The following NEURL1 variants were observed in gnomAD, a reference collection of about 807,000 sequenced individuals.
NEURL1 encodes the protein neuralized E3 ubiquitin protein ligase 1, also known as E3 ubiquitin-protein ligase NEURL1.
In NEURL1, 26 loss-of-function variants were observed where a neutral mutation model predicts 41.2. That is an observed-to-expected ratio of 0.63 (90% CI 0.46 to 0.87). The LOEUF (loss-of-function observed/expected upper bound fraction) is 0.87, where lower values mean the gene tolerates loss of function less well. Among genes scored for constraint, NEURL1 ranks in the 40% least tolerant of loss-of-function variants. The pLI is 0.00. For missense variants in NEURL1, 761 were observed against 871.1 expected (o/e 0.87, Z 1.59); for synonymous variants, 400 against 402.3 (o/e 0.99, Z 0.07).
At chr10:103,580,791 C>T (rs998115002) in intron 3 of NEURL1, among the ~76,000 whole-genome samples, 1 of 152,176 alleles carries the variant, frequency 6.6e-6, no homozygotes, top group Non-Finnish European at 1.5e-5. Context: ...TTTTGTCCCT[C>T]CCCTCCCAAC....
chr10:103,561,728 G>A (rs949949154), intron 1 of NEURL1, among the ~76,000 whole-genome samples: 1 of 152,230 alleles, frequency 6.6e-6, no homozygotes, highest in African/African-American at 2.4e-5. Context: ...ATTGGAGGGT[G>A]TGATCAGGTT....
chr10:103,518,689 G>A lies in NEURL1; in HGVS notation c.85+24217G>A, dbSNP rs1324680334. ...GGAGGTGAGGGAGTGAGCAGTGCAG[G>A]TATCTTGGGGAACAACTCTATTCTG... On this transcript the variant is annotated intron_variant, in intron 1 of 5. Transcript: ENST00000369780. Among the ~76,000 whole-genome samples, 4 of 152,178 alleles carry A rather than the reference G, an allele frequency of 2.6e-5. No homozygotes were observed. The South Asian group carries it at 8.3e-4, about 32-fold the overall frequency.
intron 1 of NEURL1, among the ~76,000 whole-genome samples, chr10:103,570,229 G>T (rs974267629): frequency 6.6e-6 from 1 of 152,140 alleles, no homozygotes; most frequent in African/African-American, 2.4e-5. Flanking sequence ...GGATCTTGGG[G>T]GCCCCACCAG....
At chr10:103,569,866 G>C (rs559710178) in intron 1 of NEURL1, among the ~76,000 whole-genome samples, 51 of 152,292 alleles carry the variant, frequency 3.3e-4, no homozygotes, top group Admixed American at 2.7e-3. Context: ...GGGCTTCGGA[G>C]ACTGCTGTCT....
rs146929372 is a variant in NEURL1, at chr10:103,589,642, C to G, written c.1468C>G (p.Leu490Val). Residue 490 changes from leucine to valine, a missense_variant, in exon 5 of 6, where the codon CTG becomes GTG. Leu to Val is a conservative substitution (Grantham distance 32). Coordinates refer to ENST00000369780, the MANE Select transcript of NEURL1 (RefSeq NM_004210.5). The stretch of plus-strand genomic sequence containing the variant: ...GCTCAGCACGTGCAGCTCTGGCCCT[C>G]TGGGTAGCTCTGCTGGTGGTAAGTA... ...PLLSTCSSGP[L>V]GSSAGGTAPN... The G allele has an allele frequency of 8.7e-6, 14 of 1,610,722 alleles. No individual in the cohort carries two copies. Among genetic ancestry groups the G allele is most frequent in the Middle Eastern group, 1.7e-4 (1 of 6,044 alleles).
rs149667455 is a variant in NEURL1, at chr10:103,581,980, A to C, written c.650-2556A>C. On this transcript the variant is annotated intron_variant, in intron 3 of 5. Coordinates refer to ENST00000369780, the MANE Select transcript of NEURL1 (RefSeq NM_004210.5). Reference sequence around the variant, plus strand: ...GAGCACCTGGTAGTGTGCATGTTTAAGTAGAAGGGGACTCCTGAAGGGGCA... The same window carrying C: ...GAGCACCTGGTAGTGTGCATGTTTACGTAGAAGGGGACTCCTGAAGGGGCA... Among the ~76,000 whole-genome samples the C allele has an allele frequency of 4.7e-4, 72 of 152,292 alleles. No individual in the cohort carries two copies. In the East Asian group the frequency reaches 0.012, roughly 26 times the overall value.
intron 1 of NEURL1, chr10:103,549,195 A>G (rs917399026): frequency 1.3e-5 from 2 of 152,614 alleles, no homozygotes; most frequent in African/African-American, 4.8e-5. Context: ...GCTGCTTGGC[A>G]GTGGGCCTTG....
Position 103,508,263 on chromosome 10 carries a change from T to G in NEURL1, c.85+13791T>G, listed in dbSNP as rs887295301. Among the ~76,000 whole-genome samples the G allele has an allele frequency of 6.6e-6, 1 of 152,172 alleles. No homozygotes were observed. Among genetic ancestry groups the G allele is most frequent in the Non-Finnish European group, 1.5e-5 (1 of 68,026 alleles). Reference sequence around the variant, plus strand: ...CCATGACAGAATTCACAGCACACTTTACAGAGGAGACACTGAGTCCGAATT... The same window carrying G: ...CCATGACAGAATTCACAGCACACTTGACAGAGGAGACACTGAGTCCGAATT... On this transcript the variant is annotated intron_variant, in intron 1 of 5. Transcript: ENST00000369780. The surrounding 1 kb of genome is among the most constrained non-coding windows in gnomAD (Gnocchi z 4.3).
At chr10:103,512,707 C>T (rs1015789914) in intron 1 of NEURL1, among the ~76,000 whole-genome samples, 1 of 152,048 alleles carries the variant, frequency 6.6e-6, no homozygotes, top group African/African-American at 2.4e-5. Context: ...GGGCTGGGCT[C>T]AAGGGCAGGT....
Position 103,570,857 on chromosome 10 carries a change from C to G in NEURL1, c.86-15C>G. 1 of 1,608,466 alleles carries G rather than the reference C, an allele frequency of 6.2e-7. No homozygotes were observed. Among genetic ancestry groups the G allele is most frequent in the South Asian group, 1.1e-5 (1 of 90,650 alleles). On this transcript the variant is annotated splice_polypyrimidine_tract_variant and intron_variant, in intron 1 of 5. Coordinates refer to ENST00000369780, the MANE Select transcript of NEURL1 (RefSeq NM_004210.5). ...CCCGCCAAGTTCTCTGACACCGTGG[C>G]CTGTTCCTTTGCAGACTCTATCGGG...
chr10:103,507,017 T>C (rs955732537), intron 1 of NEURL1, among the ~76,000 whole-genome samples: 1 of 152,190 alleles, frequency 6.6e-6, no homozygotes. Flanking sequence ...TGGCCACTGA[T>C]TCAAACATCA....
At chr10:103,501,154 G>A (rs1228307554) in intron 1 of NEURL1, among the ~76,000 whole-genome samples, 9 of 152,196 alleles carry the variant, frequency 5.9e-5, no homozygotes, top group Admixed American at 5.9e-4. Flanking sequence ...GGTAGGCTAG[G>A]GTCATATCTT....
chr10:103,533,690 T>C lies in NEURL1; in HGVS notation c.86-37182T>C, dbSNP rs571237726. ...TAGCTGGGACTACAGGCGCCCGCCA[T>C]CACACCCGGCTAATTTTTTGTATTT... On this transcript the variant is annotated intron_variant, in intron 1 of 5. Coordinates refer to ENST00000369780, the MANE Select transcript of NEURL1 (RefSeq NM_004210.5). Among the ~76,000 whole-genome samples, 139 of 152,180 alleles carry C rather than the reference T, an allele frequency of 9.1e-4. 1 individual carries two copies. The South Asian group carries it at 9.4e-3, about 10-fold the overall frequency.
At chr10:103,561,893 G>A (rs1156746840) in intron 1 of NEURL1, among the ~76,000 whole-genome samples, 2 of 152,204 alleles carry the variant, frequency 1.3e-5, no homozygotes, top group Admixed American at 6.5e-5. Flanking sequence ...AGGCAGGGAA[G>A]GGAGCTGCTC....
intron 1 of NEURL1, chr10:103,515,227 C>CAAAAAAAAAAA (rs57898870): frequency 2.0e-5 from 2 of 98,958 alleles, no homozygotes. Context: ...GACTCTGTCT[C>CAAAAAAAAAAA]AAAAAAAAAA....
intron 1 of NEURL1, among the ~76,000 whole-genome samples, chr10:103,560,025 A>G (rs61326925): frequency 0.2 from 30,660 of 151,774 alleles, 3,211 homozygotes; most frequent in South Asian, 0.32. Flanking sequence ...ACACATACAC[A>G]CAAGTGCACA....
chr10:103,557,542 G>A (rs954332012), intron 1 of NEURL1, among the ~76,000 whole-genome samples: 1 of 152,176 alleles, frequency 6.6e-6, no homozygotes, highest in Non-Finnish European at 1.5e-5. Flanking sequence ...CCTCCCAGGC[G>A]GGGCCTCCCT....
intron 5 of NEURL1, 27 bp downstream of exon 5, chr10:103,589,687 T>C: frequency 6.3e-7 from 1 of 1,593,826 alleles, no homozygotes; most frequent in South Asian, 1.1e-5. Flanking sequence ...CTCTGTTCCT[T>C]GGTGACCATG....
chr10:103,542,607 C>T (rs1039681356), intron 1 of NEURL1, among the ~76,000 whole-genome samples: 2 of 152,128 alleles, frequency 1.3e-5, no homozygotes, highest in African/African-American at 4.8e-5. Flanking sequence ...GATGTGCAAC[C>T]AGGGCTGAGA....
Sources: allele counts gnomAD v4.1 joint callset (sites outside exome capture counted in the v4.1 genomes callset), GRCh38; gene constraint gnomAD v4.1.1; non-coding constraint Gnocchi (gnomAD v3.1); transcripts MANE v1.5; gene names NCBI Gene and HGNC (gene_info 2026-07-23, HGNC 2026-07-21).